Variants in CNTN4 observed in about 807,000 individuals in gnomAD.
CNTN4 encodes contactin-4.
CNTN4 carries 77 observed loss-of-function variants against 122.5 expected under a neutral mutation model. The ratio of observed to expected loss-of-function variants is 0.63; its 90% CI spans 0.52 to 0.76. The LOEUF (loss-of-function observed/expected upper bound fraction) is 0.76, where lower values mean the gene tolerates loss of function less well. Ranked by LOEUF, CNTN4 falls within the 30% of genes least tolerant of loss-of-function variation. CNTN4 has a pLI of 0.00. For missense variants in CNTN4, 1,256 were observed against 1,259.1 expected, an observed-to-expected ratio of 1.00 and a Z score of 0.04; for synonymous variants, 512 against 447.0, an observed-to-expected ratio of 1.15 and a Z score of -1.83.
chr3:2,682,359 C>T lies in CNTN4; in HGVS notation c.56-53856C>T, dbSNP rs114271559. Among the ~76,000 whole-genome samples, 603 of 152,248 alleles carry T rather than the reference C, an allele frequency of 4.0e-3. 3 individuals carry two copies. The highest frequency in any genetic ancestry group is 0.014 in the African/African-American group (585 of 41,546). ...GGCTCGTTCACTAGGCTCTAGGTTA[C>T]AATTGTTCTTAACTTTTTTTTACTG... On this transcript the variant is annotated intron_variant, in intron 4 of 24. Transcript: ENST00000418658.
intron 7 of CNTN4, among the ~76,000 whole-genome samples, chr3:2,823,326 C>T (rs1288257409): frequency 6.6e-6 from 1 of 152,196 alleles, no homozygotes; most frequent in East Asian, 1.9e-4. Context: ...AGGGATGCTG[C>T]ATGTCCTATT....
intron 3 of CNTN4, among the ~76,000 whole-genome samples, chr3:2,348,241 G>A (rs1369869836): frequency 6.6e-6 from 1 of 152,058 alleles, no homozygotes; most frequent in Non-Finnish European, 1.5e-5. Flanking sequence ...TATACTTAAC[G>A]CTTGGCCCAG....
At chr3:2,202,003 A>G (rs868134056) in intron 2 of CNTN4, among the ~76,000 whole-genome samples, 1 of 152,158 alleles carries the variant, frequency 6.6e-6, no homozygotes, top group Non-Finnish European at 1.5e-5. Flanking sequence ...CTTACACAGG[A>G]GGCTATTTTT....
intron 4 of CNTN4, among the ~76,000 whole-genome samples, chr3:2,602,049 A>G (rs1445117230): frequency 6.6e-6 from 1 of 152,198 alleles, no homozygotes; most frequent in South Asian, 2.1e-4. Context: ...ACAGCTCTTC[A>G]TACTGAAAAC....
At chr3:2,791,172 G>A (rs2091997412) in intron 6 of CNTN4, among the ~76,000 whole-genome samples, 1 of 152,138 alleles carries the variant, frequency 6.6e-6, no homozygotes, top group South Asian at 2.1e-4. Context: ...TTACTGTAAG[G>A]AATTATGCAA....
chr3:2,575,955 C>G (rs927287097), intron 4 of CNTN4, among the ~76,000 whole-genome samples: 2 of 151,306 alleles, frequency 1.3e-5, no homozygotes, highest in African/African-American at 4.9e-5. Context: ...CCGAGTAAGT[C>G]TTCCAAGTAG....
chr3:2,561,214 C>A (rs1307997445), intron 3 of CNTN4, among the ~76,000 whole-genome samples: 1 of 152,100 alleles, frequency 6.6e-6, no homozygotes, highest in Non-Finnish European at 1.5e-5. Context: ...ATGCCTGTTG[C>A]TGTCTGTATG....
At chr3:2,321,187 A>T (rs1055322783) in intron 2 of CNTN4, among the ~76,000 whole-genome samples, 1 of 152,116 alleles carries the variant, frequency 6.6e-6, no homozygotes, top group Non-Finnish European at 1.5e-5. Context: ...CCTTATAAAC[A>T]TGTCTTTGTT....
intron 2 of CNTN4, among the ~76,000 whole-genome samples, chr3:2,265,660 A>G (rs1203537124): frequency 6.6e-6 from 1 of 152,098 alleles, no homozygotes; most frequent in East Asian, 1.9e-4. Context: ...TTTGGATAGT[A>G]TAAATATTTT....
chr3:2,982,862 A>C (rs2125224966), intron 13 of CNTN4, among the ~76,000 whole-genome samples: 1 of 152,318 alleles, frequency 6.6e-6, no homozygotes, highest in East Asian at 1.9e-4. Flanking sequence ...AATCATCAAA[A>C]GTAATGATTT....
At chr3:2,283,684 C>A (rs898673518) in intron 2 of CNTN4, among the ~76,000 whole-genome samples, 3 of 152,100 alleles carry the variant, frequency 2.0e-5, no homozygotes, top group Admixed American at 6.6e-5. Flanking sequence ...GAACTTTCAT[C>A]TAACCTTTAA....
intron 3 of CNTN4, among the ~76,000 whole-genome samples, chr3:2,393,040 A>G (rs1320474598): frequency 6.6e-6 from 1 of 152,190 alleles, no homozygotes; most frequent in Non-Finnish European, 1.5e-5. Flanking sequence ...GAAGGCCAAA[A>G]TCCAAGTTGG....
intron 3 of CNTN4, among the ~76,000 whole-genome samples, chr3:2,561,592 T>C (rs1369730119): frequency 6.6e-6 from 1 of 152,108 alleles, no homozygotes; most frequent in Non-Finnish European, 1.5e-5. Context: ...TCCAGCAAGT[T>C]TGCCGACTCA....
rs73807745 is a variant in CNTN4 at position 2,367,239 on chromosome 3, T to C, written c.-89+28006T>C. On this transcript the variant is annotated intron_variant, in intron 3 of 24. Transcript: ENST00000418658. Reference sequence around the variant, plus strand: ...GCTGGACCTCTAAAAGTGAACTATTTATTATTCTTGAGAAAAGCTTATCAA... The same window carrying C: ...GCTGGACCTCTAAAAGTGAACTATTCATTATTCTTGAGAAAAGCTTATCAA... Among the ~76,000 whole-genome samples, 694 of 152,316 alleles carry C rather than the reference T, an allele frequency of 4.6e-3. 4 individuals carry two copies. The highest frequency in any genetic ancestry group is 0.016 in the African/African-American group (665 of 41,564).
chr3:2,941,716 G>C (rs1042112345), intron 13 of CNTN4, among the ~76,000 whole-genome samples: 1 of 152,224 alleles, frequency 6.6e-6, no homozygotes, highest in South Asian at 2.1e-4. Flanking sequence ...TGTGTTCTCT[G>C]TACCATAGCC....
chr3:2,713,275 C>T (rs1405398121), intron 4 of CNTN4, among the ~76,000 whole-genome samples: 5 of 152,202 alleles, frequency 3.3e-5, no homozygotes, highest in African/African-American at 9.6e-5. Context: ...AAGAAACCCC[C>T]TCCCACGCAC....
intron 2 of CNTN4, among the ~76,000 whole-genome samples, chr3:2,287,732 A>AGAGGAGGAG (rs2041985562): frequency 1.0e-5 from 1 of 98,290 alleles, no homozygotes; most frequent in African/African-American, 3.8e-5. Flanking sequence ...AAGAAGAAGA[A>AGAGGAGGAG]GAAGAAGAAG....
At chr3:2,887,488 G>T (rs1333235143) in intron 10 of CNTN4, among the ~76,000 whole-genome samples, 1 of 152,122 alleles carries the variant, frequency 6.6e-6, no homozygotes, top group African/African-American at 2.4e-5. Flanking sequence ...CACTTGCAAA[G>T]AAGTCTGTTT....
rs555661034 is a variant in CNTN4 at position 2,809,475 on chromosome 3, G to GAT, written c.359-10011_359-10010insAT. Among the ~76,000 whole-genome samples, 608 of 152,320 alleles carry GAT rather than the reference G, an allele frequency of 4.0e-3. 1 individual carries two copies. Among genetic ancestry groups the GAT allele is most frequent in the African/African-American group, 0.014 (562 of 41,554 alleles). On this transcript the variant is annotated intron_variant, in intron 6 of 24. Coordinates refer to ENST00000418658, the MANE Select transcript of CNTN4 (RefSeq NM_175607.3). ...GCAGGGAGCAAAGCTGGGGACGTAGGCAGGGGCTGGATCCTGAAGGGCCTT... is the reference window on the plus strand; with the variant it reads ...GCAGGGAGCAAAGCTGGGGACGTAGGATCAGGGGCTGGATCCTGAAGGGCCTT...
Sources: gnomAD v4.1 joint callset for allele counts (sites outside exome capture counted in the v4.1 genomes callset) on GRCh38, gnomAD v4.1.1 for gene constraint, MANE v1.5 for transcripts, NCBI Gene and HGNC (gene_info 2026-07-23, HGNC 2026-07-21) for gene names.